LSAMP: variants seen among roughly 807,000 people sequenced by gnomAD.
The protein encoded by LSAMP is limbic system associated membrane protein, also known as limbic system-associated membrane protein.
A neutral mutation model predicts 38.6 loss-of-function variants in LSAMP; 7 were observed. The ratio of observed to expected loss-of-function variants is 0.18; its 90% confidence interval spans 0.10 to 0.34. The LOEUF (loss-of-function observed/expected upper bound fraction) is 0.34, where lower values mean the gene tolerates loss of function less well. LSAMP is among the 10% of genes least tolerant of loss of function. The pLI is 1.00. For missense variants in LSAMP, 313 were observed against 420.0 expected, an observed-to-expected ratio of 0.75 and a Z score of 2.23; for synonymous variants, 154 against 166.8, an observed-to-expected ratio of 0.92 and a Z score of 0.59.
At chr3:116,205,119 T>A (rs2046048814) in intron 1 of LSAMP, among the ~76,000 whole-genome samples, 1 of 147,118 alleles carries the variant, frequency 6.8e-6, no homozygotes, top group Admixed American at 6.9e-5. Flanking sequence ...GTCCTTCACA[T>A]CCCTTGTAAG....
At chr3:115,927,466 G>A (rs367754039) in intron 3 of LSAMP, among the ~76,000 whole-genome samples, 3 of 152,256 alleles carry the variant, frequency 2.0e-5, no homozygotes, top group South Asian at 2.1e-4. Flanking sequence ...GCAGCTTGCT[G>A]CCTGGCCTGG....
intron 1 of LSAMP, among the ~76,000 whole-genome samples, chr3:116,359,527 T>C (rs1000010352): frequency 3.3e-5 from 5 of 152,226 alleles, no homozygotes; most frequent in Non-Finnish European, 7.3e-5. Context: ...ACTTGACTCA[T>C]ATTACCCTGG....
intron 1 of LSAMP, among the ~76,000 whole-genome samples, chr3:116,214,920 G>A (rs2046202458): frequency 6.6e-6 from 1 of 152,120 alleles, no homozygotes; most frequent in South Asian, 2.1e-4. Context: ...AATGAACTGT[G>A]ACTAAACCTA....
intron 1 of LSAMP, among the ~76,000 whole-genome samples, chr3:116,286,814 T>G (rs1220027238): frequency 6.6e-6 from 1 of 151,928 alleles, no homozygotes; most frequent in African/African-American, 2.4e-5. Flanking sequence ...AAGAGCCTAC[T>G]ATTAAATATT....
At chr3:115,982,665 T>C (rs1448713221) in intron 3 of LSAMP, among the ~76,000 whole-genome samples, 2 of 152,086 alleles carry the variant, frequency 1.3e-5, no homozygotes, top group Non-Finnish European at 2.9e-5. Flanking sequence ...TTTCTTTTCT[T>C]TCAGTCTCTG....
Position 116,445,089 on chromosome 3 carries a change from C to A in LSAMP, c.-58G>T, listed in dbSNP as rs184886227. ...GCTCTGGAGGGGTGCGCGCTGCTCG[C>A]GAGGAGAGGCTTCACCAACACGGGG... On this transcript the variant is annotated 5_prime_UTR_variant, in exon 1 of 7. Transcript: ENST00000490035. The A allele has an allele frequency of 4.6e-6, 7 of 1,536,442 alleles. No individual in the cohort carries two copies. The highest frequency in any genetic ancestry group is 6.2e-6 in the Non-Finnish European group (7 of 1,132,710).
intron 3 of LSAMP, among the ~76,000 whole-genome samples, chr3:116,011,124 C>T (rs977521928): frequency 6.6e-6 from 1 of 152,098 alleles, no homozygotes; most frequent in Non-Finnish European, 1.5e-5. Context: ...TTGCCTCAGC[C>T]TCCTGAGTAG....
rs541242356 is a variant in LSAMP, at chr3:116,180,939, A to AGCTGCTGAAATAACAGCAGCATATGAGT, written c.156-94411_156-94384dup. 2.0e-4 allele frequency among the ~76,000 whole-genome samples: 31 copies of AGCTGCTGAAATAACAGCAGCATATGAGT among 152,140 alleles called. No individual in the cohort carries two copies. In the South Asian group the frequency reaches 5.8e-3, roughly 28 times the overall value. On this transcript the variant is annotated intron_variant, in intron 1 of 6. Transcript: ENST00000490035. ...AATATGATTTGTAGAATATTGAGAG[A>AGCTGCTGAAATAACAGCAGCATATGAGT]GCTGCTGAAATAACAGCAGCATATG...
intron 1 of LSAMP, among the ~76,000 whole-genome samples, chr3:116,221,113 T>C (rs1319502251): frequency 8.7e-6 from 1 of 115,234 alleles, no homozygotes; most frequent in Non-Finnish European, 1.6e-5. Context: ...AGTGTGCCAC[T>C]GCACTCCAGC....
At chr3:116,240,995 G>C (rs62271387) in intron 1 of LSAMP, among the ~76,000 whole-genome samples, 5,905 of 152,072 alleles carry the variant, frequency 0.039, 165 homozygotes, top group Middle Eastern at 0.085. Context: ...GACCAACATG[G>C]AGAAACCCCA....
chr3:116,217,518 C>A (rs1333497079), intron 1 of LSAMP, among the ~76,000 whole-genome samples: 3 of 152,184 alleles, frequency 2.0e-5, no homozygotes. Flanking sequence ...ATGTTCTGCA[C>A]AGATATTAAA....
chr3:116,405,218 G>C (rs2107831447), intron 1 of LSAMP, among the ~76,000 whole-genome samples: 1 of 152,226 alleles, frequency 6.6e-6, no homozygotes, highest in East Asian at 1.9e-4. Flanking sequence ...CTGAACAACA[G>C]GGCTGTCTGG....
At chr3:116,133,592 C>T (rs1354339128) in intron 1 of LSAMP, among the ~76,000 whole-genome samples, 1 of 152,222 alleles carries the variant, frequency 6.6e-6, no homozygotes, top group African/African-American at 2.4e-5. Context: ...AGATTACAGG[C>T]ATTAGCCACA....
At chr3:116,358,965 T>C (rs1369395757) in intron 1 of LSAMP, among the ~76,000 whole-genome samples, 2 of 152,328 alleles carry the variant, frequency 1.3e-5, no homozygotes, top group African/African-American at 4.8e-5. Context: ...AATGTGGGCC[T>C]ATTTGCCTTT....
At chr3:116,329,673 G>A (rs187093597) in intron 1 of LSAMP, among the ~76,000 whole-genome samples, 14 of 151,986 alleles carry the variant, frequency 9.2e-5, no homozygotes, top group Middle Eastern at 3.4e-3. Context: ...CAAAAATTTC[G>A]GAGGGGGACT....
At chr3:116,278,411 T>A (rs1310577896) in intron 1 of LSAMP, among the ~76,000 whole-genome samples, 1 of 152,192 alleles carries the variant, frequency 6.6e-6, no homozygotes, top group Non-Finnish European at 1.5e-5. Context: ...CACCTGAAGT[T>A]ATTATCCTCA....
At chr3:116,376,361 A>G (rs368726454) in intron 1 of LSAMP, among the ~76,000 whole-genome samples, 1 of 152,078 alleles carries the variant, frequency 6.6e-6, no homozygotes, top group Non-Finnish European at 1.5e-5. Context: ...TCTTATTACA[A>G]TAACAAAATA....
At chr3:116,300,982 A>G (rs1417963912) in intron 1 of LSAMP, among the ~76,000 whole-genome samples, 1 of 151,892 alleles carries the variant, frequency 6.6e-6, no homozygotes. Flanking sequence ...AATAAATATT[A>G]TTTTTAATAC....
chr3:116,427,182 G>T (rs1007010198), intron 1 of LSAMP, among the ~76,000 whole-genome samples: 2 of 138,244 alleles, frequency 1.4e-5, no homozygotes, highest in South Asian at 4.5e-4. Context: ...CTGCAGTGGC[G>T]CAATCTCGGC....
Sources: allele counts gnomAD v4.1 joint callset (sites outside exome capture counted in the v4.1 genomes callset), GRCh38; gene constraint gnomAD v4.1.1; transcripts MANE v1.5; gene names NCBI Gene and HGNC (gene_info 2026-07-23, HGNC 2026-07-21).